The following CCSER2 variants were observed in gnomAD, a reference collection of about 807,000 sequenced individuals.
CCSER2 encodes serine-rich coiled-coil domain-containing protein 2.
CCSER2 carries 46 observed loss-of-function variants against 92.3 expected under a neutral mutation model. That is an observed-to-expected ratio of 0.50 (90% CI 0.39 to 0.64). CCSER2 has a LOEUF of 0.64. Among genes scored for constraint, CCSER2 ranks in the 30% least tolerant of loss-of-function variants. The pLI is 0.00. For synonymous variants in CCSER2, 433 were observed against 431.4 expected, an observed-to-expected ratio of 1.00 and a Z score of -0.04; for missense variants, 1,244 against 1,238.9, an observed-to-expected ratio of 1.00 and a Z score of -0.06.
In CCSER2 at chr10:84,347,853, C is replaced by T. The variant is rs553492173; in HGVS notation, c.-40+19045C>T. 4.2e-3 allele frequency among the ~76,000 whole-genome samples: 634 copies of T among 151,052 alleles called. 3 individuals are homozygous for T. The highest frequency in any genetic ancestry group is 6.9e-3 in the Middle Eastern group (2 of 288). ...GCAGAGGCGCTCCTCACATCCCAGA[C>T]GGGGCGGCGGGGCAGAGGTGCTCCC... On this transcript the variant is annotated intron_variant, in intron 1 of 9. Transcript: ENST00000372088.
chr10:84,459,309 T>C (rs577381402), intron 6 of CCSER2, among the ~76,000 whole-genome samples: 1 of 152,216 alleles, frequency 6.6e-6, no homozygotes, highest in Non-Finnish European at 1.5e-5. Flanking sequence ...AGGGACTTTC[T>C]ACACCATACA....
chr10:84,465,398 C>T (rs912022417), intron 7 of CCSER2, among the ~76,000 whole-genome samples: 3 of 143,938 alleles, frequency 2.1e-5, no homozygotes, highest in African/African-American at 7.8e-5. Flanking sequence ...AATCTCGGCT[C>T]ACTGCAGCCT....
At chr10:84,375,555 G>T (rs4317927) in intron 3 of CCSER2, among the ~76,000 whole-genome samples, 1 of 141,666 alleles carries the variant, frequency 7.1e-6, no homozygotes, top group Admixed American at 7.0e-5. Flanking sequence ...TTTTTTTGGT[G>T]AATTGGACTT....
chr10:84,484,497 G>GTGTGTGTA (rs1847687992), intron 9 of CCSER2, among the ~76,000 whole-genome samples: 1 of 151,708 alleles, frequency 6.6e-6, no homozygotes, highest in Non-Finnish European at 1.5e-5. Flanking sequence ...GCACGTGTGT[G>GTGTGTGTA]TGTGTGTGTG....
At chr10:84,443,701 A>G (rs895010262) in intron 6 of CCSER2, among the ~76,000 whole-genome samples, 1 of 152,224 alleles carries the variant, frequency 6.6e-6, no homozygotes. Flanking sequence ...ACGTATGTTT[A>G]TTGCAGCACT....
chr10:84,410,750 G>A (rs1842608741), intron 3 of CCSER2, among the ~76,000 whole-genome samples: 1 of 152,152 alleles, frequency 6.6e-6, no homozygotes, highest in Non-Finnish European at 1.5e-5. Context: ...CCTTTGCTGT[G>A]CAGAAGCTCT....
chr10:84,439,742 T>A (rs541357502), intron 6 of CCSER2, among the ~76,000 whole-genome samples: 43 of 152,218 alleles, frequency 2.8e-4, no homozygotes, highest in Non-Finnish European at 5.6e-4. Context: ...TGGAGAATCC[T>A]TTTTGGATAT....
At chr10:84,404,598 A>G (rs1842285529) in intron 3 of CCSER2, among the ~76,000 whole-genome samples, 1 of 152,180 alleles carries the variant, frequency 6.6e-6, no homozygotes, top group African/African-American at 2.4e-5. Context: ...TAGCTAGTGA[A>G]CTACTAAATG....
chr10:84,512,544 C>T (rs1174950917), intron 9 of CCSER2, among the ~76,000 whole-genome samples: 3 of 152,104 alleles, frequency 2.0e-5, no homozygotes, highest in Non-Finnish European at 2.9e-5. Flanking sequence ...ACTGGATACC[C>T]CCAAATCATG....
chr10:84,363,895 A>G (rs1233747700), intron 1 of CCSER2, among the ~76,000 whole-genome samples: 1 of 152,224 alleles, frequency 6.6e-6, no homozygotes, highest in Non-Finnish European at 1.5e-5. Context: ...GTATACTTAC[A>G]CAGATGCAGA....
intron 5 of CCSER2, among the ~76,000 whole-genome samples, chr10:84,429,614 A>ACCCCCCC (rs368275888): frequency 1.8e-5 from 1 of 56,220 alleles, no homozygotes. Flanking sequence ...TGCCACCACC[A>ACCCCCCC]CCCCCCCCAG....
chr10:84,436,325 C>CAAA (rs1160681619), intron 5 of CCSER2, among the ~76,000 whole-genome samples: 1,230 of 14,334 alleles, frequency 0.086, 311 homozygotes, highest in East Asian at 0.13. Flanking sequence ...GACTCCGTCT[C>CAAA]AAAAAAAAAA....
intron 8 of CCSER2, among the ~76,000 whole-genome samples, chr10:84,475,244 G>C (rs1564703340): frequency 6.6e-6 from 1 of 152,098 alleles, no homozygotes; most frequent in Non-Finnish European, 1.5e-5. Flanking sequence ...AGCTCCTTGG[G>C]GTAAGAGATT....
chr10:84,330,738 C>T (rs1193244012), intron 1 of CCSER2, among the ~76,000 whole-genome samples: 2 of 152,106 alleles, frequency 1.3e-5, no homozygotes, highest in Non-Finnish European at 2.9e-5. Context: ...AAACTCCTGA[C>T]CTCGTGATCC....
At chr10:84,437,016 A>G (rs778440515) in intron 5 of CCSER2, among the ~76,000 whole-genome samples, 2 of 152,266 alleles carry the variant, frequency 1.3e-5, no homozygotes, top group Middle Eastern at 3.4e-3. Context: ...TTGATTTTAA[A>G]ATAGCCATTA....
chr10:84,394,678 T>G (rs1042389676), intron 3 of CCSER2, among the ~76,000 whole-genome samples: 1 of 151,910 alleles, frequency 6.6e-6, no homozygotes, highest in Non-Finnish European at 1.5e-5. Flanking sequence ...GAAGAAAAAT[T>G]CAGTATCTCA....
intron 9 of CCSER2, among the ~76,000 whole-genome samples, chr10:84,478,236 A>G (rs1361029450): frequency 1.3e-5 from 2 of 152,202 alleles, no homozygotes; most frequent in Admixed American, 6.5e-5. Flanking sequence ...TTATATCTCA[A>G]AACATGTTTA....
chr10:84,449,623 G>A (rs180726918), intron 6 of CCSER2, among the ~76,000 whole-genome samples: 22 of 152,290 alleles, frequency 1.4e-4, no homozygotes, highest in African/African-American at 5.1e-4. Context: ...GGGAGGCCAA[G>A]GTGGGCAGAT....
intron 1 of CCSER2, among the ~76,000 whole-genome samples, chr10:84,342,058 C>T (rs1325688026): frequency 1.3e-5 from 2 of 152,012 alleles, no homozygotes; most frequent in South Asian, 4.1e-4. Context: ...AGCCTTCAGT[C>T]CCCTTCCCCC....
Sources: gnomAD v4.1 joint callset for allele counts (sites outside exome capture counted in the v4.1 genomes callset) on GRCh38, gnomAD v4.1.1 for gene constraint, MANE v1.5 for transcripts, NCBI Gene and HGNC (gene_info 2026-07-23, HGNC 2026-07-21) for gene names.